CSMD1: variants seen among roughly 807,000 people sequenced by gnomAD.
CSMD1 encodes CUB and sushi domain-containing protein 1.
In CSMD1, 213 loss-of-function variants were observed where a neutral mutation model predicts 417.5. The ratio of observed to expected loss-of-function variants is 0.51; its 90% CI spans 0.46 to 0.57. The LOEUF is 0.57. Ranked by LOEUF, CSMD1 falls within the 20% of genes least tolerant of loss-of-function variation. The pLI, the probability that CSMD1 is intolerant of heterozygous loss-of-function variation, is 0.00. For missense variants in CSMD1, 6,923 were observed against 4,529.7 expected (o/e 1.53, Z -15.17); for synonymous variants, 2,862 against 1,736.8 (o/e 1.65, Z -16.11).
chr8:4,510,971 A>G (rs1802790191), intron 2 of CSMD1, among the ~76,000 whole-genome samples: 2 of 151,068 alleles, frequency 1.3e-5, no homozygotes, highest in South Asian at 4.2e-4. Context: ...TTAAGAGAAT[A>G]TACTTGACAA....
chr8:4,084,344 A>G (rs1224453879), intron 3 of CSMD1, among the ~76,000 whole-genome samples: 2 of 147,032 alleles, frequency 1.4e-5, no homozygotes, highest in African/African-American at 5.0e-5. Flanking sequence ...AAAAAAAAAA[A>G]CAAACTACAA....
At chr8:3,235,483 T>A (rs1378375670) in intron 26 of CSMD1, among the ~76,000 whole-genome samples, 2 of 152,188 alleles carry the variant, frequency 1.3e-5, no homozygotes, top group Non-Finnish European at 2.9e-5. Context: ...CAAATGAGAT[T>A]GGCAAATACT....
Position 3,735,029 on chromosome 8 carries a change from G to C in CSMD1, c.931+18901C>G, listed in dbSNP as rs552061318. Among the ~76,000 whole-genome samples the C allele has an allele frequency of 5.3e-5, 8 of 152,308 alleles. No individual in the cohort carries two copies. The East Asian group carries it at 1.5e-3, about 29-fold the overall frequency. On this transcript the variant is annotated intron_variant, in intron 6 of 69. Transcript: ENST00000635120. ...GGAGTGAGGAGGGAATGCTGTTTTT[G>C]TAAAACAAAATAGGTGATATGAATG...
chr8:3,361,576 C>A (rs756617243), intron 20 of CSMD1, among the ~76,000 whole-genome samples: 8 of 143,900 alleles, frequency 5.6e-5, no homozygotes, highest in Non-Finnish European at 1.2e-4. Flanking sequence ...CGCTTGAACC[C>A]TGGAGGTGGA....
intron 5 of CSMD1, among the ~76,000 whole-genome samples, chr8:3,994,911 T>C (rs1485248456): frequency 1.3e-5 from 2 of 152,134 alleles, no homozygotes; most frequent in Non-Finnish European, 2.9e-5. Context: ...AAATAGATTA[T>C]TGGAAGATCA....
intron 5 of CSMD1, among the ~76,000 whole-genome samples, chr8:3,896,508 T>C (rs930763020): frequency 6.6e-6 from 1 of 150,958 alleles, no homozygotes; most frequent in African/African-American, 2.4e-5. Context: ...ATTATTACTA[T>C]TATTATTATT....
intron 18 of CSMD1, among the ~76,000 whole-genome samples, chr8:3,370,075 T>C (rs1363412664): frequency 1.3e-5 from 2 of 152,230 alleles, no homozygotes; most frequent in South Asian, 2.1e-4. Flanking sequence ...TACCTACTGA[T>C]AGATACTGAT....
At chr8:4,875,700 G>A (rs765259616) in intron 1 of CSMD1, among the ~76,000 whole-genome samples, 1 of 152,108 alleles carries the variant, frequency 6.6e-6, no homozygotes, top group African/African-American at 2.4e-5. Flanking sequence ...AAGTAGAGCT[G>A]AGAAACCAAG....
intron 3 of CSMD1, among the ~76,000 whole-genome samples, chr8:4,119,123 G>C (rs1022586114): frequency 3.9e-5 from 6 of 152,196 alleles, no homozygotes; most frequent in South Asian, 2.1e-4. Flanking sequence ...AGATCATTAG[G>C]GAACGTACCT....
chr8:3,993,090 G>A (rs1026870963), intron 5 of CSMD1, among the ~76,000 whole-genome samples: 1 of 152,222 alleles, frequency 6.6e-6, no homozygotes, highest in Non-Finnish European at 1.5e-5. Flanking sequence ...AACAGAGTCT[G>A]AAAATGAGTT....
Position 3,307,719 on chromosome 8 carries a change from T to TCTATAATCCAGGTG in CSMD1, c.3912_3925dup (p.Glu1309AlafsTer5). ...CCTAATGGTCTTTCCTGGGTCTGCC[T>TCTATAATCCAGGTG]CTATAATCCAGGTGCAGTGGAGGTT... On this transcript the variant is annotated stop_gained and frameshift_variant, in exon 25 of 70. Coordinates refer to ENST00000635120, the MANE Select transcript of CSMD1 (RefSeq NM_033225.6). LOFTEE classifies it high-confidence loss of function. 6.2e-7 allele frequency: 1 copy of TCTATAATCCAGGTG among 1,613,646 alleles called. No homozygotes were observed. The highest frequency in any genetic ancestry group is 8.5e-7 in the Non-Finnish European group (1 of 1,179,672).
At chr8:3,958,809 C>T (rs910282095) in intron 5 of CSMD1, among the ~76,000 whole-genome samples, 2 of 152,180 alleles carry the variant, frequency 1.3e-5, no homozygotes, top group South Asian at 2.1e-4. Context: ...ATCTATGATA[C>T]ACATCAGGAG....
At chr8:3,985,769 T>G (rs1485531927) in intron 5 of CSMD1, among the ~76,000 whole-genome samples, 1 of 151,756 alleles carries the variant, frequency 6.6e-6, no homozygotes, top group Non-Finnish European at 1.5e-5. Flanking sequence ...TTTTTTTTTT[T>G]TTTTGAGATG....
chr8:4,102,937 A>G (rs1801380964), intron 3 of CSMD1, among the ~76,000 whole-genome samples: 1 of 152,210 alleles, frequency 6.6e-6, no homozygotes, highest in African/African-American at 2.4e-5. Flanking sequence ...TACTTTAAAA[A>G]TAAGTGACAA....
At chr8:4,014,071 AC>A (rs1482280371) in intron 4 of CSMD1, among the ~76,000 whole-genome samples, 2 of 152,226 alleles carry the variant, frequency 1.3e-5, no homozygotes, top group South Asian at 2.1e-4. Context: ...AATAAAAACA[AC>A]TTTTGAGCAT....
chr8:3,377,309 G>C (rs1363008674), intron 18 of CSMD1, among the ~76,000 whole-genome samples: 2 of 152,096 alleles, frequency 1.3e-5, no homozygotes, highest in African/African-American at 4.8e-5. Context: ...ACCATGCCTG[G>C]CTTATTAATA....
At chr8:4,809,164 C>G (rs553531754) in intron 1 of CSMD1, among the ~76,000 whole-genome samples, 28 of 152,286 alleles carry the variant, frequency 1.8e-4, no homozygotes, top group African/African-American at 6.7e-4. Flanking sequence ...TACATACATT[C>G]ATGATAAATA....
chr8:2,942,474 G>C lies in CSMD1; in HGVS notation c.10533C>G (p.His3511Gln). 6.2e-7 allele frequency: 1 copy of C among 1,612,490 alleles called. No homozygotes were observed. Among genetic ancestry groups the C allele is most frequent in the South Asian group, 1.1e-5 (1 of 90,840 alleles). ...AACAGATGGTGTTTCTGCAGTACCT[G>C]TGTTTGTAGAGGTAAAATGCAAACC... ...LSGFAFYLYK[H>Q]RTRPKVQYNG... The change falls in exon 69 of 70, where the codon CAC (histidine) becomes CAG (glutamine). Residue 3511 changes from histidine (H) to glutamine (Q), a missense_variant and splice_region_variant. Physicochemically the swap from His to Gln is conservative, Grantham distance 24. Coordinates refer to ENST00000635120, the MANE Select transcript of CSMD1 (RefSeq NM_033225.6).
chr8:3,764,179 G>C (rs112323343), intron 5 of CSMD1, among the ~76,000 whole-genome samples: 9 of 152,248 alleles, frequency 5.9e-5, no homozygotes, highest in South Asian at 2.1e-4. Context: ...CCTCCATTTA[G>C]ATTTGCACCG....
Sources: allele counts gnomAD v4.1 joint callset (sites outside exome capture counted in the v4.1 genomes callset), GRCh38; gene constraint gnomAD v4.1.1; transcripts MANE v1.5; gene names NCBI Gene and HGNC (gene_info 2026-07-23, HGNC 2026-07-21).